TMEM108: variants seen among roughly 807,000 people sequenced by gnomAD.
TMEM108 encodes transmembrane protein 108.
In TMEM108, 12 loss-of-function variants were observed where a neutral mutation model predicts 35.1. That is an observed-to-expected ratio of 0.34 (90% CI 0.22 to 0.55). The LOEUF is 0.55. TMEM108 is among the 20% of genes least tolerant of loss of function. The probability of loss-of-function intolerance (pLI) is 0.89; values close to 1 mark genes in which losing one functional copy is unlikely to be tolerated. For synonymous variants in TMEM108, 287 were observed against 308.6 expected (o/e 0.93, Z 0.73); for missense variants, 680 against 753.3 (o/e 0.90, Z 1.14).
At chr3:133,164,614 C>G (rs1388510433) in intron 2 of TMEM108, among the ~76,000 whole-genome samples, 1 of 152,190 alleles carries the variant, frequency 6.6e-6, no homozygotes, top group Non-Finnish European at 1.5e-5. Context: ...TTCAGCTGTT[C>G]ATGAATCCTG....
chr3:133,060,153 C>A (rs1943519382), intron 2 of TMEM108, among the ~76,000 whole-genome samples: 1 of 152,128 alleles, frequency 6.6e-6, no homozygotes, highest in African/African-American at 2.4e-5. Flanking sequence ...CATAGAACTT[C>A]CATCAGGTGG....
chr3:133,306,100 T>C (rs2071032652), intron 3 of TMEM108, among the ~76,000 whole-genome samples: 1 of 152,196 alleles, frequency 6.6e-6, no homozygotes, highest in Non-Finnish European at 1.5e-5. Flanking sequence ...CAAAACTTTT[T>C]AATTTTTATT....
rs1266918433 is a variant in TMEM108, at chr3:133,397,118, C to T, written c.*1132C>T. The T allele has an allele frequency of 6.6e-6, 1 of 152,178 alleles. No homozygotes were observed. The highest frequency in any genetic ancestry group is 1.5e-5 in the Non-Finnish European group (1 of 68,044). The allele number at this position is 152,178 out of a possible 1,614,324, so 9.4% of individuals were successfully genotyped here. A position where few individuals can be genotyped will look rare whatever the true frequency, so the allele number is the denominator to read the frequency against. On this transcript the variant is annotated 3_prime_UTR_variant, in exon 6 of 6. Coordinates refer to ENST00000321871, the MANE Select transcript of TMEM108 (RefSeq NM_023943.4). ...GTTCCCGGCCGGCTGGCTGCCTCCC[C>T]GTGCTGTGTCCAGCACGGCCAACAA...
At chr3:133,146,868 A>C (rs181976994) in intron 2 of TMEM108, among the ~76,000 whole-genome samples, 1 of 151,992 alleles carries the variant, frequency 6.6e-6, no homozygotes, top group African/African-American at 2.4e-5. Flanking sequence ...CTTCTTTATT[A>C]ATCTGGCTAG....
chr3:133,275,706 A>G (rs1946829604), intron 3 of TMEM108, among the ~76,000 whole-genome samples: 1 of 152,240 alleles, frequency 6.6e-6, no homozygotes, highest in South Asian at 2.1e-4. Context: ...CCATGATCAA[A>G]CAAATAAATA....
At chr3:133,301,364 A>G (rs1202076764) in intron 3 of TMEM108, among the ~76,000 whole-genome samples, 2 of 152,186 alleles carry the variant, frequency 1.3e-5, no homozygotes. Context: ...GTCTCGACGC[A>G]GGAAAGTGGA....
At chr3:133,297,746 G>A (rs992332515) in intron 3 of TMEM108, among the ~76,000 whole-genome samples, 2 of 152,148 alleles carry the variant, frequency 1.3e-5, no homozygotes, top group Non-Finnish European at 2.9e-5. Flanking sequence ...GGAGTGGTGG[G>A]GACCACATGA....
At chr3:133,065,556 A>G (rs970822767) in intron 2 of TMEM108, among the ~76,000 whole-genome samples, 1 of 152,198 alleles carries the variant, frequency 6.6e-6, no homozygotes, top group South Asian at 2.1e-4. Context: ...GGACCTTGAC[A>G]TAAGGTGCAT....
chr3:133,292,695 T>C (rs907650661), intron 3 of TMEM108, among the ~76,000 whole-genome samples: 2 of 152,176 alleles, frequency 1.3e-5, no homozygotes, highest in African/African-American at 2.4e-5. Flanking sequence ...TGTTTCAAAC[T>C]CTAAAGCACC....
At chr3:133,364,069 T>G (rs1157225024) in intron 3 of TMEM108, among the ~76,000 whole-genome samples, 1 of 152,222 alleles carries the variant, frequency 6.6e-6, no homozygotes, top group African/African-American at 2.4e-5. Flanking sequence ...TGTTAACTCC[T>G]TTAGTCTTCA....
chr3:133,131,143 G>A (rs546264996), intron 2 of TMEM108, among the ~76,000 whole-genome samples: 9 of 152,132 alleles, frequency 5.9e-5, no homozygotes, highest in South Asian at 2.1e-4. Flanking sequence ...AAACTTTTCC[G>A]TTTAAAACTA....
intron 2 of TMEM108, among the ~76,000 whole-genome samples, chr3:133,069,843 T>A (rs557648580): frequency 6.6e-6 from 1 of 152,182 alleles, no homozygotes; most frequent in Non-Finnish European, 1.5e-5. Context: ...AATGTGTACA[T>A]TGTTCAGTCT....
chr3:133,270,873 C>T (rs1419384737), intron 3 of TMEM108, among the ~76,000 whole-genome samples: 1 of 151,820 alleles, frequency 6.6e-6, no homozygotes, highest in Non-Finnish European at 1.5e-5. Context: ...ACTAAAGCAA[C>T]ATACAGCTCT....
At chr3:133,239,252 G>A (rs955091272) in intron 3 of TMEM108, among the ~76,000 whole-genome samples, 2 of 152,170 alleles carry the variant, frequency 1.3e-5, no homozygotes, top group African/African-American at 4.8e-5. Flanking sequence ...CAGTTCCCTT[G>A]TGCTACTAGC....
At chr3:133,342,543 G>GATATATATATATATATATATATAT (rs2071687866) in intron 3 of TMEM108, among the ~76,000 whole-genome samples, 1 of 16,232 alleles carries the variant, frequency 6.2e-5, no homozygotes, top group Non-Finnish European at 1.2e-4. Context: ...AAGAAAATGT[G>GATATATATATATATATATATATAT]GTATATATAT....
At chr3:133,202,994 A>C (rs906327612) in intron 2 of TMEM108, among the ~76,000 whole-genome samples, 1 of 152,124 alleles carries the variant, frequency 6.6e-6, no homozygotes, top group Non-Finnish European at 1.5e-5. Flanking sequence ...GTTCTCCTTG[A>C]AGAGGTCCTT....
chr3:133,107,579 T>C (rs2107721356), intron 2 of TMEM108, among the ~76,000 whole-genome samples: 1 of 152,212 alleles, frequency 6.6e-6, no homozygotes, highest in Admixed American at 6.5e-5. Context: ...GAGCCTCTGT[T>C]CTCTAGCCTT....
chr3:133,229,253 C>T lies in TMEM108; in HGVS notation c.-46-13C>T. ...TCCTCAGATGTAACAATTTTCTTCTCCCAATTTCCTAGACAGAATCATGAA... is the reference window on the plus strand; with the variant it reads ...TCCTCAGATGTAACAATTTTCTTCTTCCAATTTCCTAGACAGAATCATGAA... On this transcript the variant is annotated splice_polypyrimidine_tract_variant and intron_variant, in intron 2 of 5. Transcript: ENST00000321871. 1 of 1,551,182 alleles carries T rather than the reference C, an allele frequency of 6.4e-7. No individual in the cohort carries two copies. The highest frequency in any genetic ancestry group is 8.8e-7 in the Non-Finnish European group (1 of 1,133,640).
At chr3:133,205,111 C>T (rs1945732244) in intron 2 of TMEM108, among the ~76,000 whole-genome samples, 1 of 146,194 alleles carries the variant, frequency 6.8e-6, no homozygotes, top group African/African-American at 2.5e-5. Context: ...TTATCAGAGA[C>T]TAGGATTGCA....
Sources: gnomAD v4.1 joint callset for allele counts (sites outside exome capture counted in the v4.1 genomes callset) on GRCh38, gnomAD v4.1.1 for gene constraint, MANE v1.5 for transcripts, NCBI Gene and HGNC (gene_info 2026-07-23, HGNC 2026-07-21) for gene names.